SEC63: variants seen among roughly 807,000 people sequenced by gnomAD.
SEC63 encodes SEC63 protein translocation regulator, also known as translocation protein SEC63 homolog.
Under a neutral mutation model 116.2 loss-of-function variants are expected in SEC63, and 56 were observed. That is an observed-to-expected ratio of 0.48 (90% CI 0.39 to 0.60). SEC63 has a LOEUF of 0.60. SEC63 is among the 20% of genes least tolerant of loss of function. SEC63 has a pLI of 0.00. For synonymous variants in SEC63, 273 were observed against 294.6 expected, an observed-to-expected ratio of 0.93 and a Z score of 0.75; for missense variants, 668 against 900.0, an observed-to-expected ratio of 0.74 and a Z score of 3.30.
At chr6:107,925,675 C>G (rs1037781580) in intron 2 of SEC63, among the ~76,000 whole-genome samples, 1 of 152,202 alleles carries the variant, frequency 6.6e-6, no homozygotes, top group African/African-American at 2.4e-5. Context: ...ACTATACACT[C>G]TAAAGTAATA....
In SEC63 at chr6:107,902,934, G is replaced by C. The variant is rs1327694521; in HGVS notation, c.1119C>G (p.Ala373=). The part of the protein sequence containing the change: ...LENCMKLSQM[A]VQGLQQFKSP... ...ACTTAAATTGCTGAAGTCCCTGAAC[G>C]GCCATCTGAGAAAGCTTCATGCAGT... The change falls in exon 12 of 21, where the codon GCC becomes GCG. Residue 373 remains alanine, a synonymous_variant. Coordinates refer to ENST00000369002, the MANE Select transcript of SEC63 (RefSeq NM_007214.5). 2 of 1,613,738 alleles carry C rather than the reference G, an allele frequency of 1.2e-6. No homozygotes were observed. Among genetic ancestry groups the C allele is most frequent in the East Asian group, 2.2e-5 (1 of 44,856 alleles).
In SEC63 at chr6:107,929,438, C is replaced by T. The variant is rs750938523; in HGVS notation, c.201G>A (p.Gln67=). The T allele has an allele frequency of 2.5e-6, 4 of 1,585,298 alleles. No individual in the cohort carries two copies. ...MWYRLRLLKP[Q]PNIIPTVKKI... ...ACTTTACTGTAGGAATAATATTTGG[C>T]TGGGGTTTTAATAACCGTAAACGAT... The change falls in exon 2 of 21, where the codon CAG becomes CAA. Residue 67 remains glutamine, a synonymous_variant. Transcript: ENST00000369002.
intron 1 of SEC63, among the ~76,000 whole-genome samples, chr6:107,940,600 CCT>C (rs36007850): frequency 0.093 from 14,117 of 151,864 alleles, 733 homozygotes; most frequent in Non-Finnish European, 0.11. Flanking sequence ...CAAAATTGCC[CCT>C]GATTTAAAGT....
Position 107,871,170 on chromosome 6 carries a change from T to C in SEC63, c.*534A>G, listed in dbSNP as rs1351318160. 6.3e-6 allele frequency: 1 copy of C among 158,670 alleles called. No individual in the cohort carries two copies. The highest frequency in any genetic ancestry group is 2.4e-5 in the African/African-American group (1 of 41,500). 9.8% of individuals were successfully genotyped at this position (158,670 alleles called of 1,614,324 possible). A position where few individuals can be genotyped will look rare whatever the true frequency, so the allele number is the denominator to read the frequency against. ...TGGAATGTGAGAGAATGCCAACTTA[T>C]GACCAAGATAAGTAAAAATAAAAGT... On this transcript the variant is annotated 3_prime_UTR_variant, in exon 21 of 21. Coordinates refer to ENST00000369002, the MANE Select transcript of SEC63 (RefSeq NM_007214.5).
chr6:107,941,000 A>T (rs1184781999), intron 1 of SEC63, among the ~76,000 whole-genome samples: 3 of 152,180 alleles, frequency 2.0e-5, no homozygotes, highest in Admixed American at 2.0e-4. Flanking sequence ...GGTAAAACAA[A>T]GAGAAAGTGG....
chr6:107,927,999 T>C (rs1203154254), intron 2 of SEC63, among the ~76,000 whole-genome samples: 1 of 152,114 alleles, frequency 6.6e-6, no homozygotes, highest in Non-Finnish European at 1.5e-5. Flanking sequence ...AACCCGCAGA[T>C]ATGGGGGGGA....
At chr6:107,872,751 A>T in intron 20 of SEC63, 57 bp downstream of exon 20, 2 of 1,004,028 alleles carry the variant, frequency 2.0e-6, no homozygotes, top group Non-Finnish European at 3.1e-6. Context: ...ATGTTTTCCT[A>T]GTATATTAAA....
chr6:107,941,840 G>A (rs1770383034), intron 1 of SEC63, among the ~76,000 whole-genome samples: 1 of 152,204 alleles, frequency 6.6e-6, no homozygotes, highest in Non-Finnish European at 1.5e-5. Flanking sequence ...TATCTCCACT[G>A]CAGCAGCTGC....
chr6:107,953,026 G>A (rs565770690), intron 1 of SEC63, among the ~76,000 whole-genome samples: 10 of 152,232 alleles, frequency 6.6e-5, no homozygotes, highest in African/African-American at 1.4e-4. Flanking sequence ...TTGGGACGCC[G>A]AGGCAGGTGG....
intron 1 of SEC63, among the ~76,000 whole-genome samples, chr6:107,938,223 A>T (rs1262109385): frequency 6.6e-6 from 1 of 150,768 alleles, no homozygotes; most frequent in Non-Finnish European, 1.5e-5. Flanking sequence ...ATCCTAATTT[A>T]ATATATTTCA....
At chr6:107,901,243 A>T in intron 13 of SEC63, 127 bp downstream of exon 13, 2 of 927,158 alleles carry the variant, frequency 2.2e-6, no homozygotes, top group Non-Finnish European at 1.7e-6. Context: ...CAGGTAAACT[A>T]CAGTTCTGCA....
chr6:107,900,176 A>AT, intron 13 of SEC63, among the ~76,000 whole-genome samples: 1 of 151,780 alleles, frequency 6.6e-6, no homozygotes, highest in East Asian at 2.0e-4. Context: ...TTTTTTTTTA[A>AT]TTTTATAAAG....
chr6:107,908,282 C>G (rs1338943899), intron 8 of SEC63, among the ~76,000 whole-genome samples: 4 of 151,962 alleles, frequency 2.6e-5, no homozygotes, highest in Non-Finnish European at 5.9e-5. Flanking sequence ...CACTCTATCT[C>G]CCAAGGATAA....
intron 1 of SEC63, among the ~76,000 whole-genome samples, chr6:107,941,279 T>G (rs1407412059): frequency 4.0e-5 from 6 of 151,896 alleles, no homozygotes; most frequent in Admixed American, 3.3e-4. Flanking sequence ...TAGCAAGACC[T>G]CATCACTACA....
At chr6:107,939,065 T>C (rs893043081) in intron 1 of SEC63, among the ~76,000 whole-genome samples, 1 of 151,604 alleles carries the variant, frequency 6.6e-6, no homozygotes, top group African/African-American at 2.4e-5. Context: ...GGAGGATCAC[T>C]TGAGCTCAGG....
intron 1 of SEC63, among the ~76,000 whole-genome samples, chr6:107,946,036 A>G (rs1174377317): frequency 6.6e-6 from 1 of 152,036 alleles, no homozygotes; most frequent in Non-Finnish European, 1.5e-5. Flanking sequence ...TCCCAGGTTC[A>G]AGCCATTCTC....
rs558158310 is a variant in SEC63 at position 107,897,718 on chromosome 6, T to C, written c.1371A>G (p.Glu457=). 234 of 1,606,110 alleles carry C rather than the reference T, an allele frequency of 1.5e-4. 5 individuals are homozygous for C. The South Asian group carries it at 2.4e-3, about 16-fold the overall frequency. The part of the protein sequence containing the change: ...MDIKSQVLDD[E]DSNNITVGSL... Reference sequence around the variant, plus strand: ...ATCCTACTGTGATGTTGTTGCTATCTTCATCATCTAACACTGTTAAGATGG... The same window carrying C: ...ATCCTACTGTGATGTTGTTGCTATCCTCATCATCTAACACTGTTAAGATGG... The change falls in exon 14 of 21, where the codon GAA becomes GAG. Residue 457 remains glutamate (E), a synonymous_variant. Coordinates refer to ENST00000369002, the MANE Select transcript of SEC63 (RefSeq NM_007214.5).
intron 2 of SEC63, among the ~76,000 whole-genome samples, chr6:107,927,794 C>T (rs1039569465): frequency 1.3e-5 from 2 of 152,134 alleles, no homozygotes; most frequent in Non-Finnish European, 2.9e-5. Flanking sequence ...GTAGTATTTG[C>T]ATATAACCTA....
At position 107,872,980 on chromosome 6, in the gene SEC63, C is replaced by A. The variant is rs1026979682; in HGVS notation, c.2035-68G>T. ...GGAAACAGCTCACTCCCTAAAATTC[C>A]TAGACCACAGTATTTAACAGCCAGG... On this transcript the variant is annotated intron_variant, in intron 19 of 20. Coordinates refer to ENST00000369002, the MANE Select transcript of SEC63 (RefSeq NM_007214.5). 8.0e-6 allele frequency: 8 copies of A among 997,120 alleles called. No homozygotes were observed. In the Admixed American group the frequency reaches 1.6e-4, roughly 20 times the overall value. 61.8% of individuals were successfully genotyped at this position (997,120 alleles called of 1,614,324 possible). A position where few individuals can be genotyped will look rare whatever the true frequency, so the allele number is the denominator to read the frequency against.
Sources: allele counts gnomAD v4.1 joint callset (sites outside exome capture counted in the v4.1 genomes callset), GRCh38; gene constraint gnomAD v4.1.1; transcripts MANE v1.5; gene names NCBI Gene and HGNC (gene_info 2026-07-23, HGNC 2026-07-21).